RGPD2: variants seen among roughly 807,000 people sequenced by gnomAD.
RGPD2 encodes the protein RANBP2-like and GRIP domain-containing protein 2.
A neutral mutation model predicts 36.0 loss-of-function variants in RGPD2; 2 were observed. That is an observed-to-expected ratio of 0.06 (90% CI 0.02 to 0.17). The LOEUF is 0.17. Among genes scored for constraint, RGPD2 ranks in the 10% least tolerant of loss-of-function variants. RGPD2 has a pLI of 1.00. For missense variants in RGPD2, 40 were observed against 464.3 expected (o/e 0.09, Z 8.40); for synonymous variants, 19 against 163.8 (o/e 0.12, Z 6.75).
chr2:87,983,457 T>C, the RGPD2 span, among the ~76,000 whole-genome samples: 19 of 119,172 alleles, frequency 1.6e-4, 1 homozygote, highest in South Asian at 5.9e-3. Context: ...AGATGGAAAA[T>C]GGCATTCACT....
At chr2:87,924,705 TAAAC>T in the RGPD2 span, among the ~76,000 whole-genome samples, 22 of 141,478 alleles carry the variant, frequency 1.6e-4, no homozygotes, top group African/African-American at 5.9e-4. Flanking sequence ...TAACTCTTCT[TAAAC>T]AATCACTTGA....
At chr2:87,883,117 A>G in the RGPD2 span, among the ~76,000 whole-genome samples, 53 of 152,160 alleles carry the variant, frequency 3.5e-4, no homozygotes, top group Non-Finnish European at 5.7e-4. Context: ...CAAAGCAACA[A>G]TAATTTGTTA....
At chr2:87,824,843 C>CG (rs1686614807) in intron 1 of RGPD2, 2 of 119,188 alleles carry the variant, frequency 1.7e-5, no homozygotes, top group African/African-American at 6.4e-5. Flanking sequence ...CCGCCGCCGC[C>CG]CGGCCAGGCC....
chr2:87,882,777 G>A, the RGPD2 span, among the ~76,000 whole-genome samples: 1 of 152,068 alleles, frequency 6.6e-6, no homozygotes, highest in Non-Finnish European at 1.5e-5. Context: ...TTTCATCAAT[G>A]TTTTATAGTT....
intron 4 of RGPD2, among the ~76,000 whole-genome samples, chr2:87,813,830 G>A (rs1256580322): frequency 7.0e-6 from 1 of 142,174 alleles, no homozygotes; most frequent in Non-Finnish European, 1.5e-5. Flanking sequence ...TAAATTTTAG[G>A]AGAAATGGAA....
chr2:87,962,262 T>C, the RGPD2 span, among the ~76,000 whole-genome samples: 1 of 152,128 alleles, frequency 6.6e-6, no homozygotes, highest in Non-Finnish European at 1.5e-5. Context: ...TTTTAAAAGC[T>C]CACATTTGTG....
chr2:87,988,541 ATTTTT>A, the RGPD2 span, among the ~76,000 whole-genome samples: 18 of 54,142 alleles, frequency 3.3e-4, 1 homozygote, highest in South Asian at 2.1e-3. Flanking sequence ...ATATATATAT[ATTTTT>A]TTTTTTTCTT....
the RGPD2 span, among the ~76,000 whole-genome samples, chr2:87,839,834 C>G: frequency 1.3e-5 from 2 of 151,774 alleles, no homozygotes; most frequent in Non-Finnish European, 2.9e-5. Flanking sequence ...GGATTATTAT[C>G]CAGATGATAA....
the RGPD2 span, among the ~76,000 whole-genome samples, chr2:87,856,701 AAC>A: frequency 4.6e-5 from 7 of 152,184 alleles, no homozygotes; most frequent in African/African-American, 1.7e-4. Context: ...TCAATTTTCT[AAC>A]ATCACTTCCC....
chr2:87,824,486 A>G (rs1251727988), intron 1 of RGPD2, among the ~76,000 whole-genome samples: 1 of 152,058 alleles, frequency 6.6e-6, no homozygotes, highest in Admixed American at 6.5e-5. Flanking sequence ...ACCTCTTTAT[A>G]TTCTTCACAG....
intron 22 of RGPD2, among the ~76,000 whole-genome samples, chr2:87,770,028 CCTT>C (rs1426968825): frequency 7.7e-6 from 1 of 130,316 alleles, no homozygotes; most frequent in Non-Finnish European, 1.7e-5. Context: ...GAACATTCCT[CCTT>C]CATCATTAGA....
intron 7 of RGPD2, among the ~76,000 whole-genome samples, chr2:87,805,443 CT>C (rs1172973722): frequency 1.8e-5 from 2 of 113,278 alleles, no homozygotes; most frequent in African/African-American, 3.1e-5. Context: ...GTAATGAATC[CT>C]TTTTTTTCCC....
the RGPD2 span, among the ~76,000 whole-genome samples, chr2:87,861,023 G>A: frequency 1.3e-5 from 2 of 152,004 alleles, no homozygotes; most frequent in Non-Finnish European, 2.9e-5. Flanking sequence ...GTATGTGTGA[G>A]TGTCAGTGTG....
the RGPD2 span, among the ~76,000 whole-genome samples, chr2:87,961,167 C>A: frequency 6.6e-6 from 1 of 152,206 alleles, no homozygotes; most frequent in African/African-American, 2.4e-5. Context: ...AGAAAACTAT[C>A]CTACTGATAA....
the RGPD2 span, among the ~76,000 whole-genome samples, chr2:87,844,511 A>AAAGTTATATAT: frequency 6.7e-6 from 1 of 148,312 alleles, no homozygotes; most frequent in Non-Finnish European, 1.5e-5. Context: ...TTCAGTGATG[A>AAAGTTATATAT]TTCATGAAGG....
the RGPD2 span, among the ~76,000 whole-genome samples, chr2:87,885,961 G>A: frequency 2.0e-5 from 3 of 151,982 alleles, no homozygotes; most frequent in East Asian, 3.9e-4. Flanking sequence ...TTGCTAAAAC[G>A]TAGGTCACAG....
the RGPD2 span, among the ~76,000 whole-genome samples, chr2:87,961,786 C>G: frequency 6.0e-5 from 9 of 150,412 alleles, no homozygotes; most frequent in African/African-American, 1.7e-4. Flanking sequence ...TCTCTATATG[C>G]AGGCCCCTCC....
the RGPD2 span, among the ~76,000 whole-genome samples, chr2:87,857,054 A>G: frequency 2.0e-5 from 3 of 152,276 alleles, no homozygotes; most frequent in Admixed American, 2.0e-4. Context: ...GTCAAAGAGG[A>G]TGGTCCATGA....
At chr2:87,976,360 C>A in the RGPD2 span, among the ~76,000 whole-genome samples, 2 of 151,982 alleles carry the variant, frequency 1.3e-5, no homozygotes, top group Non-Finnish European at 2.9e-5. Context: ...TGAAAAAAAT[C>A]ATGAAAAGGG....
Sources: gnomAD v4.1 joint callset for allele counts (sites outside exome capture counted in the v4.1 genomes callset) on GRCh38, gnomAD v4.1.1 for gene constraint, MANE v1.5 for transcripts, NCBI Gene and HGNC (gene_info 2026-07-23, HGNC 2026-07-21) for gene names.